The following ZNF565 variants were observed in gnomAD, a reference collection of about 807,000 sequenced individuals.
ZNF565 encodes zinc finger protein 565.
A neutral mutation model predicts 39.4 loss-of-function variants in ZNF565; 27 were observed. That is an observed-to-expected ratio of 0.69 (90% CI 0.51 to 0.95). ZNF565 has a LOEUF of 0.95. Ranked by LOEUF, ZNF565 falls within the 40% of genes least tolerant of loss-of-function variation. The probability of loss-of-function intolerance (pLI) is 0.00; values close to 1 mark genes in which losing one functional copy is unlikely to be tolerated. For missense variants in ZNF565, 524 were observed against 621.1 expected (o/e 0.84, Z 1.66); for synonymous variants, 185 against 216.6 (o/e 0.85, Z 1.28).
At chr19:36,184,563 C>T (rs1295316064) in intron 4 of ZNF565, among the ~76,000 whole-genome samples, 1 of 152,058 alleles carries the variant, frequency 6.6e-6, no homozygotes, top group African/African-American at 2.4e-5. Flanking sequence ...CCTCGCCTGG[C>T]TGAGAACATT....
upstream of ZNF565, chr19:36,215,005 T>C (rs1379577669): frequency 6.6e-6 from 1 of 152,322 alleles, no homozygotes; most frequent in Admixed American, 6.5e-5. Context: ...AGAAGCGACG[T>C]TGCTGGTAAT....
At chr19:36,231,588 T>C (rs1424757083) in intron 1 of ZNF565, among the ~76,000 whole-genome samples, 3 of 152,180 alleles carry the variant, frequency 2.0e-5, no homozygotes, top group Non-Finnish European at 4.4e-5. Context: ...TTACACAACT[T>C]TACCTGTTTA....
At chr19:36,197,820 A>C (rs1431027004) in intron 2 of ZNF565, among the ~76,000 whole-genome samples, 3 of 152,174 alleles carry the variant, frequency 2.0e-5, no homozygotes, top group African/African-American at 4.8e-5. Context: ...CTTGTGGACC[A>C]GCGATACCAC....
chr19:36,237,046 T>C (rs201950533), intron 1 of ZNF565: 1 of 1,614,200 alleles, frequency 6.2e-7, no homozygotes, highest in Non-Finnish European at 8.5e-7. Context: ...TTATTGTACA[T>C]GTGAGGATTC....
In ZNF565 at chr19:36,195,155, C is replaced by T; in HGVS notation, c.11G>A (p.Gly4Glu). 1 of 1,613,280 alleles carries T rather than the reference C, an allele frequency of 6.2e-7. No homozygotes were observed. The highest frequency in any genetic ancestry group is 1.3e-5 in the African/African-American group (1 of 75,010). The change falls in exon 3 of 5, where the codon GGA (glycine) becomes GAA (glutamate). Residue 4 changes from glycine (G) to glutamate (E), a missense_variant and splice_region_variant. Coordinates refer to ENST00000304116, the MANE Select transcript of ZNF565 (RefSeq NM_152477.5). The part of the protein sequence containing the change: MAQ[G>E]LVTFRDVAIE... The stretch of plus-strand genomic sequence containing the variant: ...GGCCACGTCCCTGAATGTCACCAGT[C>T]CCTGAAACAATAAACCCACGCATTA...
chr19:36,182,602 G>A lies in ZNF565; in HGVS notation c.1364C>T (p.Ala455Val), dbSNP rs940263514. 12 of 1,613,986 alleles carry A rather than the reference G, an allele frequency of 7.4e-6. No homozygotes were observed. The highest frequency in any genetic ancestry group is 1.0e-5 in the Non-Finnish European group (12 of 1,180,008). ...GGTAAGTTGTGAACTACGAATAAAG[G>A]CCATTCCACACTCCCTGCATTCATA... Reference protein sequence around the residue: ...KPYECRECGMAFIRSSQLTEH... With the variant: ...KPYECRECGMVFIRSSQLTEH... The change falls in exon 5 of 5, where the codon GCC (alanine) becomes GTC (valine). Residue 455 changes from alanine to valine, a missense_variant. Coordinates refer to ENST00000304116, the MANE Select transcript of ZNF565 (RefSeq NM_152477.5).
In ZNF565 at chr19:36,194,237, G is replaced by A; in HGVS notation, c.228C>T (p.Cys76=). ...MIANDVTGPW[C]PDLESRCEKF... is the part of the protein sequence containing the mutation. ...TCGAAATCGGCCCTCGCTTACCTGG[G>A]CACCATGGTCCTGTCACATCATTTG... is the stretch of plus-strand genomic sequence containing the variant. Residue 76 remains cysteine (C), a synonymous_variant, in exon 4 of 5, where the codon TGC becomes TGT. Transcript: ENST00000304116. 6.2e-7 allele frequency: 1 copy of A among 1,610,710 alleles called. No homozygotes were observed. Among genetic ancestry groups the A allele is most frequent in the Non-Finnish European group, 8.5e-7 (1 of 1,178,434 alleles).
intron 1 of ZNF565, among the ~76,000 whole-genome samples, chr19:36,231,694 C>T (rs949673520): frequency 1.3e-5 from 2 of 152,146 alleles, no homozygotes; most frequent in African/African-American, 4.8e-5. Flanking sequence ...GAGATTACCT[C>T]AGACCAGTTT....
intron 4 of ZNF565, among the ~76,000 whole-genome samples, chr19:36,186,646 G>A (rs1312241358): frequency 6.6e-6 from 1 of 152,076 alleles, no homozygotes; most frequent in African/African-American, 2.4e-5. Flanking sequence ...AAAATTAGCT[G>A]GGCATGGTGG....
intron 1 of ZNF565, chr19:36,236,226 AG>A (rs1265126381): frequency 1.9e-6 from 1 of 521,952 alleles, no homozygotes; most frequent in African/African-American, 2.0e-5. Context: ...ATTGAATATT[AG>A]AAAATTTTTC....
intron 1 of ZNF565, among the ~76,000 whole-genome samples, chr19:36,222,391 A>AT (rs1454890833): frequency 1.3e-5 from 2 of 152,086 alleles, no homozygotes; most frequent in Admixed American, 6.6e-5. Flanking sequence ...GTAATGAATA[A>AT]TTTTTTTATG....
intron 1 of ZNF565, among the ~76,000 whole-genome samples, chr19:36,220,460 G>T (rs1003359162): frequency 6.6e-6 from 1 of 151,970 alleles, no homozygotes; most frequent in African/African-American, 2.4e-5. Context: ...CGCCTCCTGG[G>T]TTCAAGTGAT....
At chr19:36,185,436 T>C (rs1975257895) in intron 4 of ZNF565, among the ~76,000 whole-genome samples, 1 of 151,022 alleles carries the variant, frequency 6.6e-6, no homozygotes, top group Non-Finnish European at 1.5e-5. Flanking sequence ...AAAAAAGAAT[T>C]ACAAACTCAC....
intron 2 of ZNF565, among the ~76,000 whole-genome samples, chr19:36,201,176 G>A (rs1199170794): frequency 6.6e-6 from 1 of 151,976 alleles, no homozygotes; most frequent in Non-Finnish European, 1.5e-5. Flanking sequence ...GTGGCATGTG[G>A]CTCTGGTCCT....
Position 36,202,041 on chromosome 19 carries a change from G to C in ZNF565, c.-56C>G. On this transcript the variant is annotated 5_prime_UTR_variant, in exon 2 of 5. Coordinates refer to ENST00000304116, the MANE Select transcript of ZNF565 (RefSeq NM_152477.5). ...TTCTCTGGATTCTTCTCTTGGACAA[G>C]TGCAGAGTCCTGAAAAAGCAAAATG... is the stretch of plus-strand genomic sequence containing the variant. The C allele has an allele frequency of 6.2e-7, 1 of 1,611,466 alleles. No individual in the cohort carries two copies. Among genetic ancestry groups the C allele is most frequent in the Non-Finnish European group, 8.5e-7 (1 of 1,177,718 alleles).
In ZNF565 at chr19:36,195,172, C is replaced by T; in HGVS notation, c.10-16G>A. 1.2e-6 allele frequency: 2 copies of T among 1,609,082 alleles called. No homozygotes were observed. The highest frequency in any genetic ancestry group is 1.7e-5 in the Admixed American group (1 of 58,958). ...TCACCAGTCCCTGAAACAATAAACCCACGCATTAGTGTACATTAAGAAACT... is the reference window on the plus strand; with the variant it reads ...TCACCAGTCCCTGAAACAATAAACCTACGCATTAGTGTACATTAAGAAACT... On this transcript the variant is annotated splice_polypyrimidine_tract_variant and intron_variant, in intron 2 of 4. Coordinates refer to ENST00000304116, the MANE Select transcript of ZNF565 (RefSeq NM_152477.5).
intron 1 of ZNF565, among the ~76,000 whole-genome samples, chr19:36,224,555 C>T (rs1458559693): frequency 6.6e-6 from 1 of 152,118 alleles, no homozygotes; most frequent in Non-Finnish European, 1.5e-5. Context: ...ACTATTGAGG[C>T]TTTATCATTG....
At chr19:36,226,252 C>T (rs73931515) in intron 1 of ZNF565, among the ~76,000 whole-genome samples, 3,601 of 152,270 alleles carry the variant, frequency 0.024, 164 homozygotes, top group African/African-American at 0.083. Context: ...AACTTGATCT[C>T]CCTCCTGCAA....
upstream of ZNF565, among the ~76,000 whole-genome samples, chr19:36,218,490 T>C (rs1439113787): frequency 6.6e-6 from 1 of 151,770 alleles, no homozygotes; most frequent in African/African-American, 2.4e-5. Flanking sequence ...TTTTTTTTGA[T>C]GGAGTCTCAC....
Sources: gnomAD v4.1 joint callset for allele counts (sites outside exome capture counted in the v4.1 genomes callset) on GRCh38, gnomAD v4.1.1 for gene constraint, MANE v1.5 for transcripts, NCBI Gene and HGNC (gene_info 2026-07-23, HGNC 2026-07-21) for gene names.